Variants in LARGE1 observed in about 807,000 individuals in gnomAD.
LARGE1 encodes the protein xylosyl- and glucuronyltransferase LARGE1.
A neutral mutation model predicts 87.6 loss-of-function variants in LARGE1; 43 were observed. The observed-to-expected ratio is 0.49, with a 90% CI of 0.38 to 0.63. LARGE1 has a LOEUF of 0.63. LARGE1 is among the 30% of genes least tolerant of loss of function. The pLI, the probability that LARGE1 is intolerant of heterozygous loss-of-function variation, is 0.00. For synonymous variants in LARGE1, 434 were observed against 394.6 expected (o/e 1.10, Z -1.18); for missense variants, 802 against 1,000.2 (o/e 0.80, Z 2.67).
chr22:33,786,527 T>C (rs918584733), intron 1 of LARGE1, among the ~76,000 whole-genome samples: 1 of 152,132 alleles, frequency 6.6e-6, no homozygotes, highest in Admixed American at 6.5e-5. Context: ...TATAAAGAGG[T>C]GCCTCAGAAG....
At chr22:33,232,050 C>T (rs1255414512) in intron 11 of LARGE1, among the ~76,000 whole-genome samples, 1 of 152,202 alleles carries the variant, frequency 6.6e-6, no homozygotes, top group African/African-American at 2.4e-5. Context: ...CCATTCACAG[C>T]CAGTTAGCAG....
At chr22:33,651,981 G>A (rs1303934353) in intron 2 of LARGE1, among the ~76,000 whole-genome samples, 2 of 152,088 alleles carry the variant, frequency 1.3e-5, no homozygotes, top group Non-Finnish European at 2.9e-5. Context: ...AGACCATCCT[G>A]GCCAAGCTAG....
chr22:33,262,769 TTTCC>T (rs962854094), intron 11 of LARGE1, among the ~76,000 whole-genome samples: 7 of 143,998 alleles, frequency 4.9e-5, no homozygotes, highest in African/African-American at 1.7e-4. Context: ...TTCCCTTCCC[TTTCC>T]TTCCTTCCTT....
At chr22:33,637,135 G>A (rs1381361346) in intron 3 of LARGE1, among the ~76,000 whole-genome samples, 2 of 152,072 alleles carry the variant, frequency 1.3e-5, no homozygotes, top group Non-Finnish European at 2.9e-5. Flanking sequence ...TCCATCAAAT[G>A]CTGACACTGC....
chr22:33,562,523 T>C (rs1436856251), intron 6 of LARGE1, among the ~76,000 whole-genome samples: 1 of 152,182 alleles, frequency 6.6e-6, no homozygotes, highest in African/African-American at 2.4e-5. Context: ...ACTCAGCTCC[T>C]TGCATTCAAA....
At chr22:33,829,294 C>A (rs977365976) in intron 1 of LARGE1, among the ~76,000 whole-genome samples, 2 of 152,090 alleles carry the variant, frequency 1.3e-5, no homozygotes, top group Admixed American at 1.3e-4. Context: ...CAGGTGTGAG[C>A]CACCGCACCC....
chr22:33,859,726 T>G (rs1366588433), intron 1 of LARGE1, among the ~76,000 whole-genome samples: 1 of 152,144 alleles, frequency 6.6e-6, no homozygotes, highest in Admixed American at 6.5e-5. Flanking sequence ...ATGACATGTA[T>G]GGTTCATCAA....
At chr22:33,441,733 C>T (rs1477795004) in intron 6 of LARGE1, among the ~76,000 whole-genome samples, 1 of 152,134 alleles carries the variant, frequency 6.6e-6, no homozygotes, top group African/African-American at 2.4e-5. Flanking sequence ...TGCTGGCATG[C>T]ACCACCACAC....
At chr22:33,522,921 T>C (rs887509946) in intron 6 of LARGE1, among the ~76,000 whole-genome samples, 3 of 151,960 alleles carry the variant, frequency 2.0e-5, no homozygotes, top group African/African-American at 4.8e-5. Flanking sequence ...GGTGGGAGGA[T>C]GGCTTGAGCC....
intron 2 of LARGE1, among the ~76,000 whole-genome samples, chr22:33,741,328 T>G (rs897331327): frequency 1.3e-5 from 2 of 152,156 alleles, no homozygotes; most frequent in African/African-American, 2.4e-5. Flanking sequence ...GAACACCACC[T>G]CAACTACTGA....
Position 33,838,867 on chromosome 22 carries a change from T to C in LARGE1, c.-82-77309A>G, listed in dbSNP as rs75251240. 7.1e-3 allele frequency among the ~76,000 whole-genome samples: 1,076 copies of C among 152,222 alleles called. 5 individuals are homozygous for C. Among genetic ancestry groups the C allele is most frequent in the Non-Finnish European group, 0.013 (863 of 68,008 alleles). On this transcript the variant is annotated intron_variant, in intron 1 of 14. Coordinates refer to ENST00000397394, the MANE Select transcript of LARGE1 (RefSeq NM_133642.5). ...TACCCGTGACGGCTCTCCACGTTTT[T>C]TGTTTATATCAGGGAGGAAAAAAAT...
chr22:33,602,213 C>T (rs1468661060), intron 5 of LARGE1, among the ~76,000 whole-genome samples: 6 of 152,166 alleles, frequency 3.9e-5, no homozygotes, highest in South Asian at 2.1e-4. Flanking sequence ...AGGTTCAAAA[C>T]CAGTTAGAGA....
At chr22:33,352,675 T>C (rs540511704) in intron 9 of LARGE1, among the ~76,000 whole-genome samples, 1 of 152,022 alleles carries the variant, frequency 6.6e-6, no homozygotes, top group South Asian at 2.1e-4. Flanking sequence ...AGGGAGAGAC[T>C]TGCTTGAACT....
intron 6 of LARGE1, among the ~76,000 whole-genome samples, chr22:33,456,562 T>C (rs8135501): frequency 0.02 from 3,100 of 152,328 alleles, 96 homozygotes; most frequent in African/African-American, 0.071. Context: ...TCTTTTCCAT[T>C]TCAATTAACT....
rs180695600 is a variant in LARGE1, at chr22:33,258,187, C to T, written c.1730+46042G>A. Among the ~76,000 whole-genome samples the T allele has an allele frequency of 5.9e-3, 898 of 152,260 alleles. 6 individuals carry two copies. Among genetic ancestry groups the T allele is most frequent in the Non-Finnish European group, 7.8e-3 (528 of 68,018 alleles). On this transcript the variant is annotated intron_variant, in intron 11 of 11. Coordinates refer to the LARGE1 transcript ENST00000608642. ...CTGGGATTACAGGCATCCACCACCA[C>T]GCCCGGCTAATTTTTGTATTTTTTA... is the stretch of plus-strand genomic sequence containing the variant.
intron 11 of LARGE1, among the ~76,000 whole-genome samples, chr22:33,195,524 G>A (rs1292097642): frequency 6.6e-6 from 1 of 151,302 alleles, no homozygotes; most frequent in Non-Finnish European, 1.5e-5. Flanking sequence ...GTAACAAAAG[G>A]GTAACTAAGA....
intron 1 of LARGE1, among the ~76,000 whole-genome samples, chr22:33,800,798 G>A (rs1311245695): frequency 6.6e-6 from 1 of 152,162 alleles, no homozygotes; most frequent in Non-Finnish European, 1.5e-5. Flanking sequence ...ACCTGTTAAG[G>A]ACTTTGGGGT....
chr22:33,756,947 G>A (rs936459930), intron 2 of LARGE1, among the ~76,000 whole-genome samples: 1 of 152,178 alleles, frequency 6.6e-6, no homozygotes, highest in Non-Finnish European at 1.5e-5. Context: ...TTACTCCCAA[G>A]TTTAGGGCCT....
intron 2 of LARGE1, among the ~76,000 whole-genome samples, chr22:33,748,299 T>G (rs1288786884): frequency 6.6e-6 from 1 of 151,904 alleles, no homozygotes; most frequent in Non-Finnish European, 1.5e-5. Context: ...GCCTGCCTAA[T>G]TTTTTGTATT....
Sources: gnomAD v4.1 joint callset for allele counts (sites outside exome capture counted in the v4.1 genomes callset) on GRCh38, gnomAD v4.1.1 for gene constraint, MANE v1.5 for transcripts, NCBI Gene and HGNC (gene_info 2026-07-23, HGNC 2026-07-21) for gene names.